Variants in ATP11B observed in about 807,000 individuals in gnomAD.
The protein encoded by ATP11B is ATPase phospholipid transporting 11B (putative), also known as phospholipid-transporting ATPase IF.
In ATP11B, 81 loss-of-function variants were observed where a neutral mutation model predicts 157.8. The ratio of observed to expected loss-of-function variants is 0.51; its 90% confidence interval spans 0.43 to 0.62. ATP11B has a LOEUF of 0.62. ATP11B is among the 20% of genes least tolerant of loss of function. The probability of loss-of-function intolerance (pLI) is 0.00; values close to 1 mark genes in which losing one functional copy is unlikely to be tolerated. For missense variants in ATP11B, 1,165 were observed against 1,402.2 expected (o/e 0.83, Z 2.70); for synonymous variants, 451 against 469.4 (o/e 0.96, Z 0.51).
At chr3:182,907,092 CA>C (rs58120749) in intron 28 of ATP11B, among the ~76,000 whole-genome samples, 47,032 of 115,080 alleles carry the variant, frequency 0.41, 8,442 homozygotes, top group East Asian at 0.58. Context: ...GACTCCGTCT[CA>C]AAAAAAAAAA....
chr3:182,843,435 T>G (rs1719209524), intron 8 of ATP11B: 1 of 152,248 alleles, frequency 6.6e-6, no homozygotes, highest in African/African-American at 2.4e-5. Context: ...TGAAAAATGT[T>G]TTATATGATG....
chr3:182,836,253 TG>T (rs1718542715), intron 5 of ATP11B, 88 bp from the exon 6 acceptor site: 2 of 1,568,666 alleles, frequency 1.3e-6, no homozygotes, highest in Non-Finnish European at 1.7e-6. Context: ...GCTAAAATAC[TG>T]TGATAGGCTG....
chr3:182,871,149 A>G (rs1560102630), intron 17 of ATP11B, among the ~76,000 whole-genome samples: 2 of 151,868 alleles, frequency 1.3e-5, no homozygotes, highest in Non-Finnish European at 2.9e-5. Context: ...AAAATAAAAC[A>G]TAGCCAAGCG....
At chr3:182,813,306 G>A (rs1433668958) in intron 1 of ATP11B, among the ~76,000 whole-genome samples, 2 of 152,160 alleles carry the variant, frequency 1.3e-5, no homozygotes, top group African/African-American at 4.8e-5. Context: ...ATTTTCCACA[G>A]TAGCTTCACC....
chr3:182,887,622 A>T lies in ATP11B; in HGVS notation c.2752A>T (p.Ile918Phe), dbSNP rs1029738552. The T allele has an allele frequency of 2.5e-6, 4 of 1,612,456 alleles. No homozygotes were observed. The highest frequency in any genetic ancestry group is 3.4e-6 in the Non-Finnish European group (4 of 1,179,378). The change falls in exon 24 of 30, where the codon ATT becomes TTT. Residue 918 changes from isoleucine to phenylalanine, a missense_variant. Around this residue, in one of 4 missense-constraint regions of ATP11B, gnomAD observed 737 missense variants for 930.5 expected, o/e 0.79. Coordinates refer to ENST00000323116, the MANE Select transcript of ATP11B (RefSeq NM_014616.3). ...YDSVYLTLYN[I>F]CFTSLPILIY... is the part of the protein sequence containing the mutation. ...CAGCGTGTACCTGACTTTATACAAT[A>T]TTTGTTTTACTTCCCTACCTATTCT...
Position 182,829,732 on chromosome 3 carries a change from A to G in ATP11B, c.295A>G (p.Thr99Ala). ...TSGLPLFFVITVTAIKQGYED... is the reference protein window; with the variant it reads ...TSGLPLFFVIAVTAIKQGYED... ...TGGACTTCCATTATTCTTTGTGATAACAGTAACTGCCATAAAGCAGGTATG... is the reference window on the plus strand; with the variant it reads ...TGGACTTCCATTATTCTTTGTGATAGCAGTAACTGCCATAAAGCAGGTATG... Residue 99 changes from threonine to alanine, a missense_variant, in exon 4 of 30, where the codon ACA becomes GCA. Physicochemically the swap from Thr to Ala is moderately conservative, Grantham distance 58. This residue lies in a region of ATP11B where 34 missense variants were observed against 79.6 expected (regional missense o/e 0.43). Coordinates refer to ENST00000323116, the MANE Select transcript of ATP11B (RefSeq NM_014616.3). 1 of 1,607,672 alleles carries G rather than the reference A, an allele frequency of 6.2e-7. No homozygotes were observed. The highest frequency in any genetic ancestry group is 8.5e-7 in the Non-Finnish European group (1 of 1,176,334).
chr3:182,798,215 T>A (rs147396613), intron 1 of ATP11B, among the ~76,000 whole-genome samples: 31 of 152,356 alleles, frequency 2.0e-4, no homozygotes, highest in Non-Finnish European at 4.4e-4. Context: ...ACTGTAAATA[T>A]CTTAGGATAA....
chr3:182,913,958 G>A lies in ATP11B; in HGVS notation c.3416G>A (p.Arg1139Gln), dbSNP rs768947180. Residue 1139 changes from arginine to glutamine, a missense_variant, in exon 29 of 30, where the codon CGA (arginine) becomes CAA (glutamine). By Grantham distance (43) the Arg-to-Gln change is conservative. This residue lies in a region of ATP11B where 303 missense variants were observed against 296.3 expected (regional missense o/e 1.02). Coordinates refer to ENST00000323116, the MANE Select transcript of ATP11B (RefSeq NM_014616.3). ...ACASVGRMLE[R>Q]VIGRCSPTHI... ...GCATCTGTTGGAAGAATGCTGGAAC[G>A]AGTTATAGGAAGATGTAGTCCAACC... The A allele has an allele frequency of 9.7e-5, 157 of 1,613,992 alleles. No individual in the cohort carries two copies. Among genetic ancestry groups the A allele is most frequent in the Non-Finnish European group, 1.1e-4 (135 of 1,179,964 alleles).
chr3:182,892,276 T>C (rs1014632613), intron 25 of ATP11B, among the ~76,000 whole-genome samples: 3 of 152,220 alleles, frequency 2.0e-5, no homozygotes, highest in Admixed American at 6.5e-5. Flanking sequence ...CTCCCTCTTA[T>C]GTGTCCCTGT....
chr3:182,827,057 A>G (rs533955757), intron 2 of ATP11B, among the ~76,000 whole-genome samples: 4 of 152,242 alleles, frequency 2.6e-5, no homozygotes, highest in Non-Finnish European at 2.9e-5. Context: ...ATCTCTACCT[A>G]TGTGCCAAGG....
In ATP11B at chr3:182,834,116, C is replaced by T. The variant is rs528183090; in HGVS notation, c.316-1919C>T. ...AAAAAAGATGTTTGAATTATCGTTG[C>T]TCTGCTATTAATGTCATCTGACTGT... On this transcript the variant is annotated intron_variant, in intron 4 of 29. Coordinates refer to ENST00000323116, the MANE Select transcript of ATP11B (RefSeq NM_014616.3). Among the ~76,000 whole-genome samples the T allele has an allele frequency of 2.6e-5, 4 of 152,218 alleles. No individual in the cohort carries two copies. The South Asian group carries it at 8.3e-4, about 32-fold the overall frequency.
chr3:182,824,869 G>A (rs973323662), intron 2 of ATP11B, among the ~76,000 whole-genome samples: 2 of 152,190 alleles, frequency 1.3e-5, no homozygotes, highest in Admixed American at 1.3e-4. Flanking sequence ...ATTTCATGTT[G>A]TTAGCCACAA....
At chr3:182,808,317 TA>T (rs1249252493) in intron 1 of ATP11B, among the ~76,000 whole-genome samples, 1 of 152,216 alleles carries the variant, frequency 6.6e-6, no homozygotes, top group Non-Finnish European at 1.5e-5. Flanking sequence ...TCCAGTGTTG[TA>T]AAGGAATTGG....
chr3:182,873,769 A>G (rs760825771), intron 18 of ATP11B, 43 bp from the exon 19 acceptor site: 5 of 1,515,348 alleles, frequency 3.3e-6, no homozygotes, highest in Non-Finnish European at 2.7e-6. Flanking sequence ...AAATACAGTC[A>G]TAAAAGTATT....
At chr3:182,889,612 T>C in intron 25 of ATP11B, 64 bp downstream of exon 25, 1 of 1,333,286 alleles carries the variant, frequency 7.5e-7, no homozygotes. Context: ...ATAGCTTTTG[T>C]CATAAAGTAA....
chr3:182,878,398 G>A (rs1213938228), intron 19 of ATP11B, among the ~76,000 whole-genome samples: 1 of 152,152 alleles, frequency 6.6e-6, no homozygotes, highest in African/African-American at 2.4e-5. Flanking sequence ...GGTGTATATA[G>A]CACAGTGCTA....
In ATP11B at chr3:182,867,437, C is replaced by T. The variant is rs1201424109; in HGVS notation, c.1681C>T (p.Leu561=). 3.1e-6 allele frequency: 5 copies of T among 1,602,998 alleles called. No individual in the cohort carries two copies. Among genetic ancestry groups the T allele is most frequent in the Non-Finnish European group, 4.3e-6 (5 of 1,170,434 alleles). Reference sequence around the variant, plus strand: ...TATGGAGGTTAAAACTCTTGGAAAACTGGAACGGTAATTTTTTTTCATATA... The same window carrying T: ...TATGGAGGTTAAAACTCTTGGAAAATTGGAACGGTAATTTTTTTTCATATA... The part of the protein sequence containing the change: ...ETMEVKTLGK[L]ERYKLLHILE... The change falls in exon 15 of 30, where the codon CTG becomes TTG. Residue 561 remains leucine, a synonymous_variant. Transcript: ENST00000323116.
At chr3:182,869,393 C>T in intron 17 of ATP11B, 62 bp downstream of exon 17, 1 of 1,097,162 alleles carries the variant, frequency 9.1e-7, no homozygotes, top group South Asian at 1.6e-5. Context: ...ATATTTTGGA[C>T]TTTATTTCTT....
intron 28 of ATP11B, among the ~76,000 whole-genome samples, chr3:182,899,846 G>A (rs1577099361): frequency 1.3e-5 from 2 of 151,890 alleles, no homozygotes; most frequent in African/African-American, 4.8e-5. Context: ...TGACTAGTAC[G>A]TGAGCTAGAA....
Sources: allele counts gnomAD v4.1 joint callset (sites outside exome capture counted in the v4.1 genomes callset), GRCh38; gene constraint gnomAD v4.1.1; regional missense constraint gnomAD v4.1.1; transcripts MANE v1.5; gene names NCBI Gene and HGNC (gene_info 2026-07-23, HGNC 2026-07-21).